FSTL5: variants seen among roughly 807,000 people sequenced by gnomAD.
FSTL5 encodes follistatin-related protein 5.
Under a neutral mutation model 89.1 loss-of-function variants are expected in FSTL5, and 62 were observed. The ratio of observed to expected loss-of-function variants is 0.70; its 90% CI spans 0.57 to 0.86. The LOEUF (loss-of-function observed/expected upper bound fraction) is 0.86, where lower values mean the gene tolerates loss of function less well. Ranked by LOEUF, FSTL5 falls within the 40% of genes least tolerant of loss-of-function variation. The pLI is 0.00. For synonymous variants in FSTL5, 383 were observed against 346.2 expected (o/e 1.11, Z -1.18); for missense variants, 1,057 against 1,001.6 (o/e 1.06, Z -0.75).
chr4:161,384,081 A>C lies in FSTL5; in HGVS notation c.*1666T>G, dbSNP rs1002137849. On this transcript the variant is annotated 3_prime_UTR_variant, in exon 16 of 16. Coordinates refer to ENST00000306100, the MANE Select transcript of FSTL5 (RefSeq NM_020116.5). ...GCTAAAAAGTAAAGCAGATTCAATA[A>C]GTAGAAACATAAGCTGATTTTTGTT... 2.0e-5 allele frequency: 3 copies of C among 152,194 alleles called. No individual in the cohort carries two copies. Among genetic ancestry groups the C allele is most frequent in the African/African-American group, 4.8e-5 (2 of 41,446 alleles). The allele number at this position is 152,194 out of a possible 1,614,324, so 9.4% of individuals were successfully genotyped here.
At chr4:161,679,063 A>G (rs1737424390) in intron 6 of FSTL5, among the ~76,000 whole-genome samples, 1 of 151,756 alleles carries the variant, frequency 6.6e-6, no homozygotes, top group East Asian at 1.9e-4. Flanking sequence ...TACTCTTATT[A>G]TCCCTATTTT....
rs72973163 is a variant in FSTL5, at chr4:161,424,809, A to G, written c.1841+30195T>C. 2.1e-3 allele frequency among the ~76,000 whole-genome samples: 322 copies of G among 152,344 alleles called. 1 individual carries two copies. Among genetic ancestry groups the G allele is most frequent in the African/African-American group, 7.4e-3 (309 of 41,580 alleles). ...CTAAATATCGGATAATCAAACTAAAACTTTATGGAAGTAGATTGATCTAAA... is the reference window on the plus strand; with the variant it reads ...CTAAATATCGGATAATCAAACTAAAGCTTTATGGAAGTAGATTGATCTAAA... On this transcript the variant is annotated intron_variant, in intron 15 of 15. Coordinates refer to ENST00000306100, the MANE Select transcript of FSTL5 (RefSeq NM_020116.5).
At chr4:161,787,772 A>G (rs941504707) in intron 4 of FSTL5, among the ~76,000 whole-genome samples, 2 of 152,174 alleles carry the variant, frequency 1.3e-5, no homozygotes, top group Non-Finnish European at 2.9e-5. Flanking sequence ...CAGTAGCGAC[A>G]GTTCATGTAG....
intron 8 of FSTL5, among the ~76,000 whole-genome samples, chr4:161,584,258 T>C (rs1733532490): frequency 6.6e-6 from 1 of 152,164 alleles, no homozygotes; most frequent in African/African-American, 2.4e-5. Flanking sequence ...CTGAAGAAAC[T>C]TTACGTAATG....
chr4:162,011,586 C>T (rs1736770006), intron 3 of FSTL5, among the ~76,000 whole-genome samples: 1 of 151,966 alleles, frequency 6.6e-6, no homozygotes, highest in Admixed American at 6.6e-5. Flanking sequence ...CTCTGCCTCC[C>T]AGGTTCAAGT....
chr4:161,716,374 A>C (rs1465099634), intron 6 of FSTL5, among the ~76,000 whole-genome samples: 1 of 152,140 alleles, frequency 6.6e-6, no homozygotes, highest in East Asian at 1.9e-4. Context: ...AAGTGGGCTG[A>C]TCACTTGAGG....
intron 15 of FSTL5, among the ~76,000 whole-genome samples, chr4:161,448,393 C>G (rs1334628351): frequency 6.6e-6 from 1 of 152,066 alleles, no homozygotes; most frequent in Non-Finnish European, 1.5e-5. Flanking sequence ...TCTCCATACA[C>G]CTGGCCTGTC....
chr4:161,721,203 G>T (rs990747367), intron 6 of FSTL5, among the ~76,000 whole-genome samples: 1 of 145,222 alleles, frequency 6.9e-6, no homozygotes, highest in African/African-American at 2.5e-5. Flanking sequence ...GCGTGAACCC[G>T]GGAAGCGGAG....
intron 4 of FSTL5, among the ~76,000 whole-genome samples, chr4:161,857,013 T>C (rs1731741742): frequency 6.6e-6 from 1 of 152,128 alleles, no homozygotes; most frequent in Non-Finnish European, 1.5e-5. Context: ...AAGCCAGATG[T>C]ATAGTCTTGG....
At chr4:161,398,174 C>A (rs1212681137) in intron 15 of FSTL5, among the ~76,000 whole-genome samples, 1 of 152,012 alleles carries the variant, frequency 6.6e-6, no homozygotes, top group African/African-American at 2.4e-5. Flanking sequence ...TTAATAAATG[C>A]TCATAAATGA....
At chr4:161,633,212 T>C (rs998329103) in intron 7 of FSTL5, among the ~76,000 whole-genome samples, 1 of 151,274 alleles carries the variant, frequency 6.6e-6, no homozygotes, top group African/African-American at 2.4e-5. Context: ...TCCCAATACT[T>C]AATTTTATTA....
At chr4:161,632,352 C>T (rs1735531717) in intron 7 of FSTL5, among the ~76,000 whole-genome samples, 1 of 152,092 alleles carries the variant, frequency 6.6e-6, no homozygotes, top group Admixed American at 6.6e-5. Context: ...TGTGTTCGAG[C>T]CCTGGCGACA....
intron 8 of FSTL5, among the ~76,000 whole-genome samples, chr4:161,543,052 A>T (rs905781563): frequency 2.0e-5 from 3 of 152,032 alleles, no homozygotes; most frequent in African/African-American, 7.2e-5. Context: ...ATTAGTAATT[A>T]CAAAGGAGTA....
At chr4:161,688,083 T>G (rs548210095) in intron 6 of FSTL5, among the ~76,000 whole-genome samples, 1 of 152,220 alleles carries the variant, frequency 6.6e-6, no homozygotes, top group South Asian at 2.1e-4. Flanking sequence ...TTTTTGTTTC[T>G]GTTTTGTTTT....
intron 15 of FSTL5, among the ~76,000 whole-genome samples, chr4:161,393,672 T>TG (rs1730898892): frequency 6.6e-6 from 1 of 152,168 alleles, no homozygotes; most frequent in South Asian, 2.1e-4. Context: ...TTCAGAGAAG[T>TG]GTCAACTGAC....
chr4:161,508,312 A>AT (rs1730545626), intron 11 of FSTL5, among the ~76,000 whole-genome samples: 2 of 152,102 alleles, frequency 1.3e-5, no homozygotes, highest in Admixed American at 6.6e-5. Flanking sequence ...TCTTTAATCT[A>AT]TTTTTAAAAT....
intron 15 of FSTL5, among the ~76,000 whole-genome samples, chr4:161,398,372 C>A (rs1731073480): frequency 6.6e-6 from 1 of 151,992 alleles, no homozygotes. Context: ...CAAAATTATT[C>A]ATTTTAAATT....
rs546922049 is a variant in FSTL5 at position 162,001,627 on chromosome 4, T to C, written c.160+31998A>G. On this transcript the variant is annotated intron_variant, in intron 3 of 15. Coordinates refer to ENST00000306100, the MANE Select transcript of FSTL5 (RefSeq NM_020116.5). ...GTGTGTGTGTGTGTGTGTGTGTGTG[T>C]AAGTGTAAGAGTGTATATACATGTG... Among the ~76,000 whole-genome samples, 325 of 149,212 alleles carry C rather than the reference T, an allele frequency of 2.2e-3. 3 individuals carry two copies. Among genetic ancestry groups the C allele is most frequent in the African/African-American group, 7.7e-3 (309 of 40,326 alleles).
intron 3 of FSTL5, among the ~76,000 whole-genome samples, chr4:162,024,690 C>T (rs1737214278): frequency 6.6e-6 from 1 of 151,982 alleles, no homozygotes; most frequent in Non-Finnish European, 1.5e-5. Context: ...GAGACAGGGT[C>T]ACATTCTATT....
Sources: gnomAD v4.1 joint callset for allele counts (sites outside exome capture counted in the v4.1 genomes callset) on GRCh38, gnomAD v4.1.1 for gene constraint, MANE v1.5 for transcripts, NCBI Gene and HGNC (gene_info 2026-07-23, HGNC 2026-07-21) for gene names.